The following ANO7 variants were observed in gnomAD, a reference collection of about 807,000 sequenced individuals.
The protein encoded by ANO7 is anoctamin 7, also known as anoctamin-7.
Under a neutral mutation model 115.8 loss-of-function variants are expected in ANO7, and 114 were observed. The ratio of observed to expected loss-of-function variants is 0.98; its 90% CI spans 0.85 to 1.15. The LOEUF (loss-of-function observed/expected upper bound fraction) is 1.15, where lower values mean the gene tolerates loss of function less well. Ranked by LOEUF, ANO7 falls within the 50% of genes most tolerant of loss-of-function variation. ANO7 has a pLI of 0.00. For synonymous variants in ANO7, 550 were observed against 498.2 expected (o/e 1.10, Z -1.38); for missense variants, 1,302 against 1,201.2 (o/e 1.08, Z -1.24).
At chr2:241,213,706 G>A (rs1260028754) in intron 17 of ANO7, among the ~76,000 whole-genome samples, 2 of 152,226 alleles carry the variant, frequency 1.3e-5, no homozygotes, top group African/African-American at 2.4e-5. Context: ...TCTGGGCTGG[G>A]CTGGGACCTA....
At chr2:241,201,212 A>G in intron 6 of ANO7, 86 bp from the exon 7 acceptor site, 2 of 1,494,904 alleles carry the variant, frequency 1.3e-6, no homozygotes, top group Non-Finnish European at 1.8e-6. Context: ...CACCGTTCAC[A>G]TGCCCGCAGC....
chr2:241,209,618 G>A lies in ANO7; in HGVS notation c.1342G>A (p.Val448Met). The A allele has an allele frequency of 6.4e-7, 1 of 1,564,568 alleles. No homozygotes were observed. Among genetic ancestry groups the A allele is most frequent in the Non-Finnish European group, 8.6e-7 (1 of 1,156,828 alleles). Residue 448 changes from valine (V) to methionine (M), a missense_variant, in exon 13 of 25, where the codon GTG becomes ATG. By Grantham distance (21) the Val-to-Met change is conservative. Coordinates refer to ENST00000674324, the MANE Select transcript of ANO7 (RefSeq NM_001370694.2). ...CGCGCGCCGCATGCTGGCCGGCTCT[G>A]TGGTGATCGTGGTGATGGTATGCGG... ...SRARRMLAGSVVIVVMVAVVV... is the reference protein window; with the variant it reads ...SRARRMLAGSMVIVVMVAVVV...
At chr2:241,194,658 T>C (rs1458937275) in intron 3 of ANO7, among the ~76,000 whole-genome samples, 1 of 152,220 alleles carries the variant, frequency 6.6e-6, no homozygotes, top group African/African-American at 2.4e-5. Flanking sequence ...AATGCCCACA[T>C]TCACATAACT....
chr2:241,238,919 C>T, the ANO7 span: 8 of 673,358 alleles, frequency 1.2e-5, no homozygotes, highest in East Asian at 8.7e-5. The surrounding 1 kb of genome is among the most constrained non-coding windows in gnomAD (Gnocchi z 4.9). Flanking sequence ...CCCCTTCTCC[C>T]GAGTCCAGGG....
At chr2:241,210,242 C>T in intron 13 of ANO7, 53 bp from the exon 14 acceptor site, 1 of 1,573,002 alleles carries the variant, frequency 6.4e-7, no homozygotes. Flanking sequence ...CCTGAGGGTG[C>T]TGGGGTGCCC....
At chr2:241,216,268 G>A (rs771062573) in intron 19 of ANO7, 30 bp downstream of exon 19, 15 of 1,541,442 alleles carry the variant, frequency 9.7e-6, no homozygotes, top group Admixed American at 6.3e-5. Context: ...TGCGGCAATG[G>A]CTGGCGCCGT....
chr2:241,229,784 G>GGGCCCCCCCC, downstream of ANO7: 1 of 1,502,544 alleles, frequency 6.7e-7, no homozygotes, highest in Non-Finnish European at 9.1e-7. Context: ...AAGCCCGCCT[G>GGGCCCCCCCC]CCCGCCCACC....
rs765314336 is a variant in ANO7 at position 241,207,626 on chromosome 2, G to A, written c.1033G>A (p.Asp345Asn). The A allele has an allele frequency of 3.3e-5, 53 of 1,613,714 alleles. No individual in the cohort carries two copies. The highest frequency in any genetic ancestry group is 4.2e-5 in the Non-Finnish European group (49 of 1,179,990). Residue 345 changes from aspartate to asparagine, a missense_variant, in exon 11 of 25, where the codon GAC (aspartate) becomes AAC (asparagine). Asp to Asn is a conservative substitution (Grantham distance 23, BLOSUM62 1). Transcript: ENST00000674324. ...DSFEMCPLCL[D>N]CPFWLLSSAC... ...CTTCGAGATGTGCCCACTTTGCCTCGACTGCCCTTTCTGGCTGCTCTCCAG... is the reference window on the plus strand; with the variant it reads ...CTTCGAGATGTGCCCACTTTGCCTCAACTGCCCTTTCTGGCTGCTCTCCAG...
In ANO7 at chr2:241,223,683, C is replaced by A. The variant is rs768662010; in HGVS notation, c.2434C>A (p.Arg812Ser). Residue 812 changes from arginine (R) to serine (S), a missense_variant, in exon 23 of 25, where the codon CGC (arginine) becomes AGC (serine). By Grantham distance (110) the Arg-to-Ser change is moderately radical. Transcript: ENST00000674324. ...VFEHVVFSVG[R>S]LLDLLVPDIP... Reference sequence around the variant, plus strand: ...CCAGCATGTGGTTTTCTCCGTTGGCCGCCTCCTGGACCTCCTGGTGCCTGA... The same window carrying A: ...CCAGCATGTGGTTTTCTCCGTTGGCAGCCTCCTGGACCTCCTGGTGCCTGA... The A allele has an allele frequency of 2.5e-6, 4 of 1,613,476 alleles. No individual in the cohort carries two copies. The highest frequency in any genetic ancestry group is 3.4e-6 in the Non-Finnish European group (4 of 1,179,690).
At chr2:241,239,724 A>G in the ANO7 span, 3 of 1,613,732 alleles carry the variant, frequency 1.9e-6, no homozygotes, top group Non-Finnish European at 2.5e-6. The surrounding 1 kb of genome is among the most constrained non-coding windows in gnomAD (Gnocchi z 4.6). Context: ...ACCCCGCCAT[A>G]CTCTTCAGCA....
At chr2:241,213,714 C>T (rs2068764298) in intron 17 of ANO7, among the ~76,000 whole-genome samples, 1 of 152,196 alleles carries the variant, frequency 6.6e-6, no homozygotes, top group South Asian at 2.1e-4. Flanking sequence ...GGGCTGGGAC[C>T]TAAGTGGACC....
At chr2:241,195,626 G>T in intron 3 of ANO7, 77 bp from the exon 4 acceptor site, 1 of 1,445,576 alleles carries the variant, frequency 6.9e-7, no homozygotes, top group Non-Finnish European at 9.5e-7. Context: ...CGTCCCGGCT[G>T]GGATGCTGGC....
At chr2:241,229,487 G>T, downstream of ANO7, 1 of 770,312 alleles carries the variant, frequency 1.3e-6, no homozygotes, top group Non-Finnish European at 2.1e-6. Flanking sequence ...CTCGGGAAGG[G>T]GGAAGAGCGT....
intron 21 of ANO7, among the ~76,000 whole-genome samples, chr2:241,218,940 ATAT>A (rs968758303): frequency 5.3e-5 from 8 of 152,328 alleles, no homozygotes; most frequent in South Asian, 2.1e-4. Context: ...TCAGGGGTTA[ATAT>A]TATTGTTATT....
the ANO7 span, chr2:241,238,675 T>C: frequency 1.9e-6 from 3 of 1,579,080 alleles, no homozygotes; most frequent in Non-Finnish European, 2.6e-6. The surrounding 1 kb of genome is among the most constrained non-coding windows in gnomAD (Gnocchi z 4.9). Flanking sequence ...GTCTGGGAAT[T>C]TAATTTGAAC....
chr2:241,228,838 A>T (rs999449036), downstream of ANO7: 2 of 152,846 alleles, frequency 1.3e-5, no homozygotes, highest in Non-Finnish European at 2.9e-5. Context: ...ACCTGTGCGC[A>T]TCTCAATCAC....
the ANO7 span, chr2:241,240,192 G>T: frequency 3.1e-5 from 46 of 1,475,352 alleles, no homozygotes; most frequent in Non-Finnish European, 4.4e-5. The surrounding 1 kb of genome is among the most constrained non-coding windows in gnomAD (Gnocchi z 5.5). Context: ...AGACAAGAGG[G>T]TCTGTAGGAC....
chr2:241,226,902 C>T (rs1450844788), downstream of ANO7, among the ~76,000 whole-genome samples: 4 of 152,306 alleles, frequency 2.6e-5, no homozygotes, highest in South Asian at 2.1e-4. Context: ...CCGAGGCCTC[C>T]GCCCGCACCC....
chr2:241,230,299 G>T (rs919199241), downstream of ANO7: 4 of 1,340,678 alleles, frequency 3.0e-6, no homozygotes, highest in Admixed American at 4.3e-5. This position sits in a 1 kb window ranked among gnomAD's most constrained non-coding sequence, Gnocchi z 5.0. Context: ...TCAGATGAGG[G>T]GACTCCAAGC....
Sources: allele counts gnomAD v4.1 joint callset (sites outside exome capture counted in the v4.1 genomes callset), GRCh38; gene constraint gnomAD v4.1.1; non-coding constraint Gnocchi (gnomAD v3.1); transcripts MANE v1.5; gene names NCBI Gene and HGNC (gene_info 2026-07-23, HGNC 2026-07-21).